DPYD: variants seen among roughly 807,000 people sequenced by gnomAD.
DPYD encodes dihydropyrimidine dehydrogenase [NADP(+)].
DPYD carries 109 observed loss-of-function variants against 116.2 expected under a neutral mutation model. That is an observed-to-expected ratio of 0.94 (90% confidence interval 0.80 to 1.10). The LOEUF is 1.10. Ranked by LOEUF, DPYD falls within the 50% of genes least tolerant of loss-of-function variation. The pLI is 0.00. For missense variants in DPYD, 1,302 were observed against 1,254.5 expected, an observed-to-expected ratio of 1.04 and a Z score of -0.57; for synonymous variants, 440 against 432.0, an observed-to-expected ratio of 1.02 and a Z score of -0.23.
At chr1:97,168,848 ATT>A (rs11457298) in intron 20 of DPYD, among the ~76,000 whole-genome samples, 11 of 142,404 alleles carry the variant, frequency 7.7e-5, no homozygotes, top group East Asian at 2.0e-4. Context: ...CCACTTAGTA[ATT>A]TTTTTTTTTT....
chr1:97,446,752 C>A (rs139305964), intron 14 of DPYD, among the ~76,000 whole-genome samples: 150 of 152,078 alleles, frequency 9.9e-4, no homozygotes, highest in African/African-American at 3.4e-3. Context: ...AAATTTTCCC[C>A]GGCCCAAAAT....
intron 16 of DPYD, among the ~76,000 whole-genome samples, chr1:97,317,240 A>G (rs1667910850): frequency 6.6e-6 from 1 of 152,030 alleles, no homozygotes; most frequent in Non-Finnish European, 1.5e-5. Flanking sequence ...GAGGGTATGC[A>G]GCATAATTTG....
intron 14 of DPYD, among the ~76,000 whole-genome samples, chr1:97,438,116 A>T (rs984053704): frequency 2.0e-5 from 3 of 152,024 alleles, no homozygotes; most frequent in African/African-American, 2.4e-5. Flanking sequence ...CCAACACCAG[A>T]CTATCTCATT....
intron 8 of DPYD, among the ~76,000 whole-genome samples, chr1:97,656,470 T>C (rs955630576): frequency 1.3e-5 from 2 of 152,306 alleles, no homozygotes; most frequent in African/African-American, 2.4e-5. Context: ...GTACTACCAA[T>C]CTTGAAACCT....
intron 1 of DPYD, among the ~76,000 whole-genome samples, chr1:97,913,437 C>T (rs988309870): frequency 6.6e-6 from 1 of 152,140 alleles, no homozygotes; most frequent in Non-Finnish European, 1.5e-5. Flanking sequence ...AGCAAACTCA[C>T]TGAAGATCAG....
intron 12 of DPYD, among the ~76,000 whole-genome samples, chr1:97,538,568 T>C (rs1230931329): frequency 2.6e-5 from 4 of 152,162 alleles, no homozygotes; most frequent in Non-Finnish European, 4.4e-5. Context: ...AGTAGAAAAG[T>C]AGGTCACCAA....
intron 2 of DPYD, among the ~76,000 whole-genome samples, chr1:97,864,411 T>C (rs1302005674): frequency 6.6e-6 from 1 of 151,864 alleles, no homozygotes; most frequent in African/African-American, 2.4e-5. Context: ...ATGGTGATTG[T>C]TTTCAGGCCT....
chr1:97,519,170 G>T (rs942282168), intron 12 of DPYD, among the ~76,000 whole-genome samples: 9 of 152,104 alleles, frequency 5.9e-5, no homozygotes, highest in Non-Finnish European at 1.3e-4. Flanking sequence ...TGCTGTTAAA[G>T]ACATGCTCAA....
intron 12 of DPYD, among the ~76,000 whole-genome samples, chr1:97,542,247 T>C (rs1458727032): frequency 6.6e-6 from 1 of 152,200 alleles, no homozygotes; most frequent in East Asian, 1.9e-4. Flanking sequence ...CTATGCTTTT[T>C]GGTGAAATAA....
chr1:97,527,691 T>C (rs753216358), intron 12 of DPYD, among the ~76,000 whole-genome samples: 4 of 151,586 alleles, frequency 2.6e-5, no homozygotes, highest in Non-Finnish European at 5.9e-5. Flanking sequence ...AGCAGAGACA[T>C]TTGGATGTGT....
At chr1:97,405,190 C>T (rs1462157989) in intron 14 of DPYD, among the ~76,000 whole-genome samples, 1 of 151,954 alleles carries the variant, frequency 6.6e-6, no homozygotes, top group Admixed American at 6.6e-5. Context: ...TATATTGTTA[C>T]TATGATTATT....
At chr1:97,347,720 C>A (rs1025963987) in intron 16 of DPYD, among the ~76,000 whole-genome samples, 7 of 151,902 alleles carry the variant, frequency 4.6e-5, no homozygotes, top group African/African-American at 1.7e-4. Flanking sequence ...TTATCATGTA[C>A]AACATGATGT....
intron 16 of DPYD, among the ~76,000 whole-genome samples, chr1:97,359,925 A>G (rs547286399): frequency 1.3e-5 from 2 of 152,318 alleles, no homozygotes; most frequent in Non-Finnish European, 2.9e-5. Context: ...ACCAGCTAAC[A>G]TCATAATGAC....
intron 3 of DPYD, among the ~76,000 whole-genome samples, chr1:97,791,513 A>AT (rs1667318814): frequency 6.6e-6 from 1 of 152,164 alleles, no homozygotes; most frequent in Non-Finnish European, 1.5e-5. Flanking sequence ...CCATGTGTAA[A>AT]TTTTTTGAAG....
At chr1:97,363,818 G>A (rs1467118430) in intron 16 of DPYD, among the ~76,000 whole-genome samples, 5 of 152,196 alleles carry the variant, frequency 3.3e-5, no homozygotes, top group Non-Finnish European at 7.3e-5. Flanking sequence ...GGGGAGCAGG[G>A]GGAGGGACAG....
At chr1:97,108,182 G>A (rs1347274149) in intron 20 of DPYD, among the ~76,000 whole-genome samples, 1 of 152,110 alleles carries the variant, frequency 6.6e-6, no homozygotes, top group Non-Finnish European at 1.5e-5. Flanking sequence ...GCTGGGGGAG[G>A]TAATGTGGCA....
At chr1:97,079,761 T>C (rs961758587) in intron 22 of DPYD, among the ~76,000 whole-genome samples, 2 of 152,110 alleles carry the variant, frequency 1.3e-5, no homozygotes, top group Non-Finnish European at 1.5e-5. Context: ...TGTCCAGTCC[T>C]GGCCCTGACA....
At chr1:97,112,723 T>A (rs1651688652) in intron 20 of DPYD, among the ~76,000 whole-genome samples, 1 of 152,144 alleles carries the variant, frequency 6.6e-6, no homozygotes, top group Non-Finnish European at 1.5e-5. Flanking sequence ...AGCATTCTTC[T>A]CACTCTCTAA....
At chr1:97,451,650 A>G (rs1676418102) in intron 13 of DPYD, among the ~76,000 whole-genome samples, 1 of 152,102 alleles carries the variant, frequency 6.6e-6, no homozygotes, top group Non-Finnish European at 1.5e-5. Context: ...CACGAAGCTC[A>G]AGCCTTGTGG....
Sources: gnomAD v4.1 joint callset for allele counts (sites outside exome capture counted in the v4.1 genomes callset) on GRCh38, gnomAD v4.1.1 for gene constraint, MANE v1.5 for transcripts, NCBI Gene and HGNC (gene_info 2026-07-23, HGNC 2026-07-21) for gene names.